The following GATA3 variants were observed in gnomAD, a reference collection of about 807,000 sequenced individuals.
The protein encoded by GATA3 is GATA binding protein 3, also known as trans-acting T-cell-specific transcription factor GATA-3.
In GATA3, 6 loss-of-function variants were observed where a neutral mutation model predicts 36.0. The observed-to-expected ratio is 0.17, with a 90% CI of 0.09 to 0.33. The LOEUF (loss-of-function observed/expected upper bound fraction) is 0.33. GATA3 is among the 10% of genes least tolerant of loss of function. GATA3 has a pLI of 1.00. For missense variants in GATA3, 514 were observed against 610.1 expected, an observed-to-expected ratio of 0.84 and a Z score of 1.66; for synonymous variants, 326 against 273.0, an observed-to-expected ratio of 1.19 and a Z score of -1.92.
chr10:8,071,073 C>G (rs1832923505), intron 5 of GATA3, among the ~76,000 whole-genome samples: 1 of 152,166 alleles, frequency 6.6e-6, no homozygotes, highest in Non-Finnish European at 1.5e-5. Context: ...TATTTTTGGG[C>G]TGTAATTTAT....
intron 3 of GATA3, among the ~76,000 whole-genome samples, chr10:8,061,217 C>G (rs961328568): frequency 4.6e-4 from 70 of 152,270 alleles, no homozygotes; most frequent in African/African-American, 1.5e-3. Context: ...GCTGTCTTAA[C>G]GCCTGGGCTT....
rs59622436 is a variant in GATA3 at position 8,064,268 on chromosome 10, G to GTT, written c.924+142_924+143dup. 18,598 of 634,426 alleles carry GTT rather than the reference G, an allele frequency of 0.029. 640 individuals carry two copies. The highest frequency in any genetic ancestry group is 0.17 in the African/African-American group (7,876 of 46,052). The allele number at this position is 634,426 out of a possible 1,614,324, so 39.3% of individuals were successfully genotyped here. On this transcript the variant is annotated intron_variant, in intron 4 of 5. Transcript: ENST00000379328. ...CAATCGTGTCAGCTGGCTTGGGACA[G>GTT]TTTTTTTTTTTTTCCTTTTTCTTTC...
In GATA3 at chr10:8,055,624, C is replaced by T. The variant is rs761234617; in HGVS notation, c.-32C>T. 1.2e-4 allele frequency: 182 copies of T among 1,542,240 alleles called. No individual in the cohort carries two copies. The highest frequency in any genetic ancestry group is 1.5e-4 in the Non-Finnish European group (175 of 1,146,346). ...TCCCTCCCCGCGCGCGGGTTCCGGG[C>T]CCGGCGAGAGGGCGCGAGCACAGCC... is the stretch of plus-strand genomic sequence containing the variant. On this transcript the variant is annotated 5_prime_UTR_variant, in exon 2 of 6. Transcript: ENST00000379328. This position sits in a 1 kb window ranked among gnomAD's most constrained non-coding sequence, Gnocchi z 5.4.
chr10:8,049,695 T>C (rs1268895), upstream of GATA3, among the ~76,000 whole-genome samples: 117,172 of 152,106 alleles, frequency 0.77, 45,283 homozygotes, highest in East Asian at 0.95. Flanking sequence ...TAGAAACCCT[T>C]GCGCGGCCAG....
intron 1 of GATA3, among the ~76,000 whole-genome samples, chr10:8,047,827 G>A (rs1832410683): frequency 6.6e-6 from 1 of 152,204 alleles, no homozygotes; most frequent in South Asian, 2.1e-4. Flanking sequence ...CGGGTAGGGG[G>A]CAGTCCGGGA....
At chr10:8,049,564 G>T (rs994348968), upstream of GATA3, among the ~76,000 whole-genome samples, 14 of 152,162 alleles carry the variant, frequency 9.2e-5, no homozygotes, top group African/African-American at 3.4e-4. Context: ...GGCTCCCCGC[G>T]GTGTGGCCCG....
intron 2 of GATA3, among the ~76,000 whole-genome samples, chr10:8,056,951 C>T (rs1832650075): frequency 6.6e-6 from 1 of 152,202 alleles, no homozygotes; most frequent in Admixed American, 6.5e-5. Flanking sequence ...CCCTGATTCC[C>T]CTACTCAGAG....
At position 8,073,988 on chromosome 10, in the gene GATA3, C is replaced by T. The variant is rs2131522884; in HGVS notation, c.1300C>T (p.His434Tyr). 1 of 1,614,170 alleles carries T rather than the reference C, an allele frequency of 6.2e-7. No individual in the cohort carries two copies. The highest frequency in any genetic ancestry group is 8.5e-7 in the Non-Finnish European group (1 of 1,180,020). Residue 434 changes from histidine (H) to tyrosine (Y), a missense_variant, in exon 6 of 6, where the codon CAC becomes TAC. Around this residue, in one of 3 missense-constraint regions of GATA3, gnomAD observed 89 missense variants for 104.2 expected, o/e 0.85. Transcript: ENST00000379328. ...GCCATCCAGCCTGTCCTTTGGACCA[C>T]ACCACCCCTCCAGCATGGTCACCGC... ...HPPSSLSFGP[H>Y]HPSSMVTAMG is the part of the protein sequence containing the mutation.
At chr10:8,068,404 G>A (rs1184775015) in intron 4 of GATA3, among the ~76,000 whole-genome samples, 1 of 152,154 alleles carries the variant, frequency 6.6e-6, no homozygotes, top group East Asian at 1.9e-4. Context: ...ATCAAATTTA[G>A]GTGACAGCCA....
chr10:8,051,134 G>T (rs770450082), upstream of GATA3: 10 of 505,212 alleles, frequency 2.0e-5, no homozygotes, highest in East Asian at 6.1e-4. Flanking sequence ...CTGGGACAGG[G>T]TCTCTTCGCC....
chr10:8,056,664 C>T (rs1564397858), intron 2 of GATA3, among the ~76,000 whole-genome samples: 1 of 152,142 alleles, frequency 6.6e-6, no homozygotes, highest in African/African-American at 2.4e-5. Flanking sequence ...TTGCCTTACT[C>T]TGTCTCTGGG....
chr10:8,059,736 A>T (rs1453235930), intron 3 of GATA3, among the ~76,000 whole-genome samples: 1 of 152,204 alleles, frequency 6.6e-6, no homozygotes, highest in Non-Finnish European at 1.5e-5. Flanking sequence ...CCCCACACAA[A>T]ATACTTTGGC....
At chr10:8,050,916 G>T (rs990552519), upstream of GATA3, 3 of 471,406 alleles carry the variant, frequency 6.4e-6, no homozygotes, top group Non-Finnish European at 1.3e-5. Flanking sequence ...GTCGGGCAGC[G>T]CGCGGGCGCC....
At chr10:8,072,299 C>T (rs146586077) in intron 5 of GATA3, among the ~76,000 whole-genome samples, 87 of 152,284 alleles carry the variant, frequency 5.7e-4, no homozygotes, top group African/African-American at 1.9e-3. Context: ...AGGTAAAACC[C>T]AGAGCCAAGG....
upstream of GATA3, among the ~76,000 whole-genome samples, chr10:8,053,947 A>G (rs981439006): frequency 2.0e-5 from 3 of 152,142 alleles, no homozygotes; most frequent in Non-Finnish European, 4.4e-5. The surrounding 1 kb of genome is among the most constrained non-coding windows in gnomAD (Gnocchi z 5.1). Flanking sequence ...TCAAAAGCAC[A>G]CATTGATTAC....
At chr10:8,051,370 G>A (rs1378388289), upstream of GATA3, 6 of 282,086 alleles carry the variant, frequency 2.1e-5, no homozygotes, top group African/African-American at 1.4e-4. Flanking sequence ...CCCGGGCCCC[G>A]GCTCCTCTCT....
chr10:8,057,130 A>G (rs1025527626), intron 2 of GATA3, among the ~76,000 whole-genome samples: 3 of 152,174 alleles, frequency 2.0e-5, no homozygotes, highest in South Asian at 4.1e-4. Flanking sequence ...ATTATTTACT[A>G]TACTACTTCC....
chr10:8,068,112 T>G (rs1298513779), intron 4 of GATA3, among the ~76,000 whole-genome samples: 1 of 152,188 alleles, frequency 6.6e-6, no homozygotes, highest in Non-Finnish European at 1.5e-5. Context: ...TTCAGTTTTA[T>G]TTTTTTAAAG....
chr10:8,050,910 G>A (rs1035180129), upstream of GATA3: 5 of 474,994 alleles, frequency 1.1e-5, no homozygotes, highest in Non-Finnish European at 2.1e-5. Context: ...ACCCAGGTCG[G>A]GCAGCGCGCG....
Sources: gnomAD v4.1 joint callset for allele counts (sites outside exome capture counted in the v4.1 genomes callset) on GRCh38, gnomAD v4.1.1 for gene constraint, gnomAD v4.1.1 regional missense constraint, Gnocchi (gnomAD v3.1) non-coding constraint, MANE v1.5 for transcripts, NCBI Gene and HGNC (gene_info 2026-07-23, HGNC 2026-07-21) for gene names.